Variants in DRAM2 observed in about 807,000 individuals in gnomAD.
DRAM2 encodes DNA damage-regulated autophagy modulator protein 2.
Under a neutral mutation model 33.5 loss-of-function variants are expected in DRAM2, and 26 were observed. The observed-to-expected ratio is 0.78, with a 90% CI of 0.57 to 1.08. DRAM2 has a LOEUF of 1.08. DRAM2 is among the 50% of genes least tolerant of loss of function. The pLI is 0.00. For synonymous variants in DRAM2, 98 were observed against 109.5 expected, an observed-to-expected ratio of 0.89 and a Z score of 0.66; for missense variants, 311 against 318.1, an observed-to-expected ratio of 0.98 and a Z score of 0.17.
chr1:111,118,707 A>G, intron 9 of DRAM2, 98 bp downstream of exon 9: 5 of 773,214 alleles, frequency 6.5e-6, no homozygotes, highest in Non-Finnish European at 7.9e-6. Context: ...AATTTTCAAA[A>G]AGGCGGGAGA....
At chr1:111,132,360 T>A (rs1477429746) in intron 3 of DRAM2, among the ~76,000 whole-genome samples, 1 of 152,196 alleles carries the variant, frequency 6.6e-6, no homozygotes, top group Non-Finnish European at 1.5e-5. Context: ...CTGAGTTCTG[T>A]GAGCCACTCT....
At position 111,118,863 on chromosome 1, in the gene DRAM2, T is replaced by G; in HGVS notation, c.635A>C (p.Glu212Ala). The change falls in exon 9 of 10, where the codon GAA becomes GCA. Residue 212 changes from glutamate (E) to alanine (A), a missense_variant. Transcript: ENST00000484310. ...AAAGAAGGAAAATGACATAGACCATTCTGCTGCAGTAGTGATCATGTGAAG... is the reference window on the plus strand; with the variant it reads ...AAAGAAGGAAAATGACATAGACCATGCTGCTGCAGTAGTGATCATGTGAAG... ...YVLHMITTAA[E>A]WSMSFSFFGF... 6.2e-7 allele frequency: 1 copy of G among 1,610,158 alleles called. No homozygotes were observed. The highest frequency in any genetic ancestry group is 1.1e-5 in the South Asian group (1 of 90,714).
Position 111,136,611 on chromosome 1 carries a change from A to G in DRAM2, c.-15+912T>C, listed in dbSNP as rs144247917. On this transcript the variant is annotated intron_variant, in intron 3 of 9. Transcript: ENST00000484310. Reference sequence around the variant, plus strand: ...AAAACAAAAAAACAAAAAAAAACAAAGAAAAATGGAATAATGTTATCAACA... The same window carrying G: ...AAAACAAAAAAACAAAAAAAAACAAGGAAAAATGGAATAATGTTATCAACA... Among the ~76,000 whole-genome samples the G allele has an allele frequency of 2.5e-4, 38 of 152,100 alleles. 1 individual carries two copies. Among genetic ancestry groups the G allele is most frequent in the African/African-American group, 8.7e-4 (36 of 41,486 alleles).
chr1:111,124,771 A>C lies in DRAM2; in HGVS notation c.310T>G (p.Leu104Val). ...AGLVLGILSC[L>V]GLSIVANFQK... ...AAGTTTGCCACAATAGAAAGTCCTAAACAACTCAGTATTCCAAGTACAAGG... is the reference window on the plus strand; with the variant it reads ...AAGTTTGCCACAATAGAAAGTCCTACACAACTCAGTATTCCAAGTACAAGG... Residue 104 changes from leucine to valine, a missense_variant, in exon 6 of 10, where the codon TTA (leucine) becomes GTA (valine). Coordinates refer to ENST00000484310, the MANE Select transcript of DRAM2 (RefSeq NM_001349884.2). 1 of 1,613,546 alleles carries C rather than the reference A, an allele frequency of 6.2e-7. No homozygotes were observed. Among genetic ancestry groups the C allele is most frequent in the Admixed American group, 1.7e-5 (1 of 59,974 alleles).
rs757484526 is a variant in DRAM2, at chr1:111,131,441, C to T, written c.114G>A (p.Pro38=). The change falls in exon 4 of 10, where the codon CCG becomes CCA. Residue 38 remains proline (P), a synonymous_variant. Transcript: ENST00000484310. ...ITAVTLHHID[P]ALPYISDTGT... is the part of the protein sequence containing the mutation. The stretch of plus-strand genomic sequence containing the variant: ...TCACTTACCTGATATAAGGTAAAGC[C>T]GGGTCTATATGGTGGAGTGTTACTG... 6.2e-6 allele frequency: 10 copies of T among 1,613,302 alleles called. No homozygotes were observed. In the East Asian group the frequency reaches 1.1e-4, roughly 18 times the overall value.
chr1:111,119,029 G>T, intron 8 of DRAM2, 132 bp from the exon 9 acceptor site: 1 of 519,646 alleles, frequency 1.9e-6, no homozygotes, highest in Non-Finnish European at 3.3e-6. Flanking sequence ...GACTTACCAG[G>T]CATATAATAT....
At chr1:111,139,926 C>T (rs932642063) in intron 1 of DRAM2, 112 bp downstream of exon 1, 1 of 152,446 alleles carries the variant, frequency 6.6e-6, no homozygotes, top group African/African-American at 2.4e-5. Context: ...TAAGGGGGCT[C>T]CAGGCTGCGC....
rs775529334 is a variant in DRAM2 at position 111,118,194 on chromosome 1, T to C, written c.767A>G (p.Asn256Ser). The change falls in exon 10 of 10, where the codon AAT becomes AGT. Residue 256 changes from asparagine (N) to serine (S), a missense_variant. Physicochemically the swap from Asn to Ser is conservative, Grantham distance 46. Transcript: ENST00000484310. The part of the protein sequence containing the change: ...LYDTAPCPIN[N>S]ERTRLLSRDI ...TCTGGAAAGTAGCCGTGTTCGTTCA[T>C]TGTTAATAGGGCAAGGTGCAGTGTC... is the stretch of plus-strand genomic sequence containing the variant. The C allele has an allele frequency of 6.2e-6, 10 of 1,613,010 alleles. No individual in the cohort carries two copies. The East Asian group carries it at 6.7e-5, about 11-fold the overall frequency.
In DRAM2 at chr1:111,118,032, G is replaced by T; in HGVS notation, c.*128C>A. The T allele has an allele frequency of 1.3e-6, 1 of 770,888 alleles. No individual in the cohort carries two copies. The highest frequency in any genetic ancestry group is 2.2e-6 in the Non-Finnish European group (1 of 452,232). 47.8% of individuals were successfully genotyped at this position (770,888 alleles called of 1,614,324 possible). A position where few individuals can be genotyped will look rare whatever the true frequency, so the allele number is the denominator to read the frequency against. ...CTTCTTTCATGTTTCCTGATTATCAGCATTCATCAGTGTTACTGTCAGCCT... is the reference window on the plus strand; with the variant it reads ...CTTCTTTCATGTTTCCTGATTATCATCATTCATCAGTGTTACTGTCAGCCT... On this transcript the variant is annotated 3_prime_UTR_variant, in exon 10 of 10. Coordinates refer to ENST00000484310, the MANE Select transcript of DRAM2 (RefSeq NM_001349884.2).
chr1:111,118,011 T>C lies in DRAM2; in HGVS notation c.*149A>G, dbSNP rs1649253943. The stretch of plus-strand genomic sequence containing the variant: ...TTAGAATAATCTATCAAATGGCTTC[T>C]TTCATGTTTCCTGATTATCAGCATT... On this transcript the variant is annotated 3_prime_UTR_variant, in exon 10 of 10. Coordinates refer to ENST00000484310, the MANE Select transcript of DRAM2 (RefSeq NM_001349884.2). 1 of 697,270 alleles carries C rather than the reference T, an allele frequency of 1.4e-6. No individual in the cohort carries two copies. The highest frequency in any genetic ancestry group is 2.5e-6 in the Non-Finnish European group (1 of 405,606). The allele number at this position is 697,270 out of a possible 1,614,324, so 43.2% of individuals were successfully genotyped here.
intron 2 of DRAM2, among the ~76,000 whole-genome samples, chr1:111,138,760 G>T (rs1653840197): frequency 6.6e-6 from 1 of 152,138 alleles, no homozygotes; most frequent in Non-Finnish European, 1.5e-5. Context: ...CTCCAGCCTG[G>T]CAACAGAGCG....
chr1:111,123,390 C>T (rs564861893), intron 6 of DRAM2, among the ~76,000 whole-genome samples: 21 of 152,272 alleles, frequency 1.4e-4, no homozygotes, highest in Middle Eastern at 3.4e-3. Context: ...CTTCACCAAA[C>T]CCAGCTCAGG....
chr1:111,125,965 TA>T (rs1194149090), intron 5 of DRAM2, among the ~76,000 whole-genome samples: 1 of 152,208 alleles, frequency 6.6e-6, no homozygotes, highest in Non-Finnish European at 1.5e-5. Flanking sequence ...CCTCAAGGAA[TA>T]TCTGGTTAGA....
intron 2 of DRAM2, among the ~76,000 whole-genome samples, chr1:111,138,898 G>A (rs1653884037): frequency 6.6e-6 from 1 of 152,150 alleles, no homozygotes; most frequent in Non-Finnish European, 1.5e-5. Context: ...TTAAATACCC[G>A]TGGTAATAAA....
chr1:111,122,701 A>T (rs1259540209), intron 6 of DRAM2: 2 of 151,922 alleles, frequency 1.3e-5, no homozygotes. Context: ...AAAAAAAAGA[A>T]AGGAAAGAGA....
chr1:111,124,610 T>G, intron 6 of DRAM2, 132 bp downstream of exon 6: 1 of 940,142 alleles, frequency 1.1e-6, no homozygotes, highest in East Asian at 2.7e-5. Flanking sequence ...TCAAATAATT[T>G]AAAGGAAGTG....
At chr1:111,119,663 C>A in intron 8 of DRAM2, 1 of 519,714 alleles carries the variant, frequency 1.9e-6, no homozygotes, top group Non-Finnish European at 3.4e-6. Flanking sequence ...TCGCAATGCT[C>A]TTCATATTTT....
chr1:111,139,014 A>C (rs1653914591), intron 2 of DRAM2: 1 of 152,266 alleles, frequency 6.6e-6, no homozygotes, highest in East Asian at 1.9e-4. Context: ...CTGCTTTTAG[A>C]GATGCACAGA....
intron 3 of DRAM2, among the ~76,000 whole-genome samples, chr1:111,131,807 C>G (rs1226827453): frequency 6.6e-6 from 1 of 152,178 alleles, no homozygotes; most frequent in Non-Finnish European, 1.5e-5. Flanking sequence ...TGGAAAGTAC[C>G]AAGTACTGTT....
Sources: allele counts gnomAD v4.1 joint callset (sites outside exome capture counted in the v4.1 genomes callset), GRCh38; gene constraint gnomAD v4.1.1; transcripts MANE v1.5; gene names NCBI Gene and HGNC (gene_info 2026-07-23, HGNC 2026-07-21).